Variants in TTC28 observed in about 807,000 individuals in gnomAD.
TTC28 encodes tetratricopeptide repeat protein 28.
TTC28 carries 61 observed loss-of-function variants against 198.0 expected under a neutral mutation model. The observed-to-expected ratio is 0.31, with a 90% CI of 0.25 to 0.38. The LOEUF (loss-of-function observed/expected upper bound fraction) is 0.38. Ranked by LOEUF, TTC28 falls within the 10% of genes least tolerant of loss-of-function variation. TTC28 has a pLI of 1.00. For synonymous variants in TTC28, 1,171 were observed against 1,297.8 expected (o/e 0.90, Z 2.10); for missense variants, 2,678 against 3,164.0 (o/e 0.85, Z 3.69).
intron 2 of TTC28, among the ~76,000 whole-genome samples, chr22:28,329,884 C>T (rs918328712): frequency 2.6e-5 from 4 of 152,160 alleles, no homozygotes; most frequent in South Asian, 2.1e-4. Flanking sequence ...AGTCAAGTGA[C>T]GATGGTGGAG....
At chr22:28,432,317 TA>T (rs2047445271) in intron 2 of TTC28, among the ~76,000 whole-genome samples, 1 of 151,206 alleles carries the variant, frequency 6.6e-6, no homozygotes, top group Non-Finnish European at 1.5e-5. Context: ...AAAATAAAAA[TA>T]AAAATAAAAA....
At chr22:28,241,568 C>T (rs1049038067) in intron 5 of TTC28, among the ~76,000 whole-genome samples, 5 of 151,838 alleles carry the variant, frequency 3.3e-5, no homozygotes, top group South Asian at 2.1e-4. Flanking sequence ...GGGCAAAAGG[C>T]AACTGTATGT....
intron 5 of TTC28, among the ~76,000 whole-genome samples, chr22:28,243,013 T>C (rs1414086179): frequency 3.3e-5 from 5 of 149,502 alleles, no homozygotes; most frequent in Admixed American, 1.3e-4. Context: ...GACAGAGTCA[T>C]TTTAATCTAT....
chr22:28,123,248 T>TTTTG lies in TTC28; in HGVS notation c.1442-14849_1442-14846dup, dbSNP rs571873472. On this transcript the variant is annotated intron_variant, in intron 6 of 22. Transcript: ENST00000397906. The stretch of plus-strand genomic sequence containing the variant: ...GTTTCCCACTGTTTCAGGTTTTTTT[T>TTTTG]TTTGTTTGTTTGTTTGTTTGTTTTT... Among the ~76,000 whole-genome samples the TTTTG allele has an allele frequency of 1.8e-3, 272 of 151,808 alleles. 1 individual carries two copies. In the East Asian group the frequency reaches 0.034, roughly 19 times the overall value.
At chr22:28,635,804 T>C (rs1180669303) in intron 1 of TTC28, among the ~76,000 whole-genome samples, 1 of 152,208 alleles carries the variant, frequency 6.6e-6, no homozygotes, top group African/African-American at 2.4e-5. Context: ...CTATCTTTTG[T>C]GTGTACATGG....
At chr22:28,585,608 G>A (rs1353588393) in intron 2 of TTC28, among the ~76,000 whole-genome samples, 1 of 152,104 alleles carries the variant, frequency 6.6e-6, no homozygotes, top group Non-Finnish European at 1.5e-5. Context: ...CCCAGGGGTT[G>A]GGGACCCCTG....
rs61739455 is a variant in TTC28 at position 27,983,727 on chromosome 22, G to A, written c.5940C>T (p.Thr1980=). Residue 1980 remains threonine, a synonymous_variant, in exon 23 of 23, where the codon ACC becomes ACT. Coordinates refer to ENST00000397906, the MANE Select transcript of TTC28 (RefSeq NM_001145418.2). ...CATCTGAGGCGATGCTGTCCGCACC[G>A]GTGGGAGAGAAGGGGGGTTGCTGGT... ...LGYQQPPFSP[T]GADSIASDAI... is the part of the protein sequence containing the mutation. The A allele has an allele frequency of 4.9e-4, 765 of 1,551,588 alleles. No homozygotes were observed. The African/African-American group carries it at 6.1e-3, about 12-fold the overall frequency.
intron 6 of TTC28, among the ~76,000 whole-genome samples, chr22:28,149,152 G>A (rs1455246656): frequency 2.0e-5 from 3 of 152,196 alleles, no homozygotes; most frequent in Non-Finnish European, 2.9e-5. Flanking sequence ...CTACAAACCT[G>A]TACAGCATGT....
intron 2 of TTC28, among the ~76,000 whole-genome samples, chr22:28,505,067 T>C (rs1378880666): frequency 1.3e-5 from 2 of 151,818 alleles, no homozygotes; most frequent in East Asian, 3.9e-4. Flanking sequence ...CCATCCTGGC[T>C]AACACGGTGA....
chr22:28,273,284 C>T (rs1403842637), intron 5 of TTC28, among the ~76,000 whole-genome samples: 1 of 151,712 alleles, frequency 6.6e-6, no homozygotes, highest in Non-Finnish European at 1.5e-5. Context: ...GCACCACCAA[C>T]AATAATAGGA....
At chr22:28,032,179 T>TATATATATAAAATATATATATATAAA (rs1332601819) in intron 12 of TTC28, among the ~76,000 whole-genome samples, 1 of 76,392 alleles carries the variant, frequency 1.3e-5, no homozygotes, top group Non-Finnish European at 2.3e-5. Context: ...TATATATATA[T>TATATATATAAAATATATATATATAAA]ATATATATAA....
intron 12 of TTC28, among the ~76,000 whole-genome samples, chr22:28,039,421 C>CA (rs1346715429): frequency 6.9e-6 from 1 of 144,456 alleles, no homozygotes; most frequent in Non-Finnish European, 1.5e-5. Flanking sequence ...ATAGCAAGGA[C>CA]AAAAAACCAA....
intron 2 of TTC28, among the ~76,000 whole-genome samples, chr22:28,434,754 G>A (rs2146209978): frequency 6.6e-6 from 1 of 152,158 alleles, no homozygotes; most frequent in African/African-American, 2.4e-5. Flanking sequence ...CATCTTTATA[G>A]GTTCAAGCCT....
At chr22:28,063,888 G>A (rs960439239) in intron 12 of TTC28, among the ~76,000 whole-genome samples, 5 of 152,102 alleles carry the variant, frequency 3.3e-5, no homozygotes, top group East Asian at 1.9e-4. Flanking sequence ...CAGGGCGGCC[G>A]AGCAACAGCT....
chr22:28,019,679 C>T (rs1208974863), intron 13 of TTC28, among the ~76,000 whole-genome samples: 1 of 152,228 alleles, frequency 6.6e-6, no homozygotes, highest in Non-Finnish European at 1.5e-5. Flanking sequence ...CCACAGAGGG[C>T]CGGGGGCTCC....
intron 2 of TTC28, among the ~76,000 whole-genome samples, chr22:28,404,152 C>T (rs1329203348): frequency 6.6e-6 from 1 of 152,162 alleles, no homozygotes; most frequent in Non-Finnish European, 1.5e-5. Context: ...CAGAGTCTTG[C>T]TCTGTTGCCC....
At chr22:28,397,482 T>A (rs1319800624) in intron 2 of TTC28, among the ~76,000 whole-genome samples, 1 of 152,204 alleles carries the variant, frequency 6.6e-6, no homozygotes, top group Admixed American at 6.5e-5. Flanking sequence ...CCTAATTACA[T>A]GAGACAGCAC....
intron 2 of TTC28, among the ~76,000 whole-genome samples, chr22:28,326,118 G>C (rs1343409554): frequency 6.6e-6 from 1 of 152,070 alleles, no homozygotes; most frequent in Non-Finnish European, 1.5e-5. Flanking sequence ...GACATGCTGT[G>C]ATACATCCAT....
At chr22:28,122,279 A>C (rs773493803) in intron 6 of TTC28, among the ~76,000 whole-genome samples, 1 of 152,190 alleles carries the variant, frequency 6.6e-6, no homozygotes, top group Admixed American at 6.5e-5. Flanking sequence ...AGAGGCGAGA[A>C]TATAAGAAAG....
Sources: allele counts gnomAD v4.1 joint callset (sites outside exome capture counted in the v4.1 genomes callset), GRCh38; gene constraint gnomAD v4.1.1; transcripts MANE v1.5; gene names NCBI Gene and HGNC (gene_info 2026-07-23, HGNC 2026-07-21).